The following DAB2IP variants were observed in gnomAD, a reference collection of about 807,000 sequenced individuals.
DAB2IP encodes disabled homolog 2-interacting protein.
DAB2IP carries 28 observed loss-of-function variants against 107.2 expected under a neutral mutation model. The observed-to-expected ratio is 0.26, with a 90% CI of 0.19 to 0.36. DAB2IP has a LOEUF of 0.36. Ranked by LOEUF, DAB2IP falls within the 10% of genes least tolerant of loss-of-function variation. The pLI is 1.00. For missense variants in DAB2IP, 1,400 were observed against 1,644.7 expected (o/e 0.85, Z 2.57); for synonymous variants, 755 against 706.4 (o/e 1.07, Z -1.09).
chr9:121,743,803 T>A (rs1181184802), intron 3 of DAB2IP, among the ~76,000 whole-genome samples: 1 of 152,122 alleles, frequency 6.6e-6, no homozygotes, highest in Non-Finnish European at 1.5e-5. Flanking sequence ...CTGAATGAGC[T>A]GGGCGGCAGC....
chr9:121,770,744 T>A lies in DAB2IP; in HGVS notation c.2078+20T>A, dbSNP rs115939092. 1,212 of 1,612,040 alleles carry A rather than the reference T, an allele frequency of 7.5e-4. 3 individuals carry two copies. Among genetic ancestry groups the A allele is most frequent in the African/African-American group, 6.2e-3 (464 of 74,982 alleles). ...TTCCGGGTAAGAGCTGCCAGCCATGTTGGGTGTGGTGGGTGCGTGTGCAGA... is the reference window on the plus strand; with the variant it reads ...TTCCGGGTAAGAGCTGCCAGCCATGATGGGTGTGGTGGGTGCGTGTGCAGA... On this transcript the variant is annotated intron_variant, in intron 11 of 15. Coordinates refer to ENST00000408936, the Ensembl canonical transcript of DAB2IP.
chr9:121,644,391 G>A lies in DAB2IP; in HGVS notation c.41-34287G>A, dbSNP rs1371208685. ...GCAGGTGGATCACCTGAGGTCAGGCGTTCGAGACCAGCCTGGCCAACATGG... is the reference window on the plus strand; with the variant it reads ...GCAGGTGGATCACCTGAGGTCAGGCATTCGAGACCAGCCTGGCCAACATGG... On this transcript the variant is annotated intron_variant, in intron 1 of 16. Coordinates refer to the DAB2IP transcript ENST00000259371. Among the ~76,000 whole-genome samples, 6 of 152,124 alleles carry A rather than the reference G, an allele frequency of 3.9e-5. 1 individual carries two copies. Among genetic ancestry groups the A allele is most frequent in the South Asian group, 4.1e-4 (2 of 4,828 alleles).
chr9:121,576,981 C>T (rs1270084938), intron 1 of DAB2IP, among the ~76,000 whole-genome samples: 1 of 152,182 alleles, frequency 6.6e-6, no homozygotes, highest in East Asian at 1.9e-4. Flanking sequence ...GTCCTGTCAC[C>T]TCCCCCAGGA....
chr9:121,601,861 T>C (rs917531781), intron 1 of DAB2IP, among the ~76,000 whole-genome samples: 1 of 150,320 alleles, frequency 6.7e-6, no homozygotes, highest in Admixed American at 6.7e-5. Context: ...TGCTTCGCTT[T>C]TGATCCTTGC....
In DAB2IP at chr9:121,760,281, A is replaced by G; in HGVS notation, c.1012A>G (p.Thr338Ala). Reference sequence around the variant, plus strand: ...CATCAAGGCGCGCTACCAAACCATCACCATCCTGCCCATGGAGATGTACAA... The same window carrying G: ...CATCAAGGCGCGCTACCAAACCATCGCCATCCTGCCCATGGAGATGTACAA... Residue 338 changes from threonine (T) to alanine (A), a missense_variant, in exon 6 of 16, where the codon ACC becomes GCC. Transcript: ENST00000408936. This position sits in a 1 kb window ranked among gnomAD's most constrained non-coding sequence, Gnocchi z 5.9. The G allele has an allele frequency of 6.2e-7, 1 of 1,613,784 alleles. No individual in the cohort carries two copies. The highest frequency in any genetic ancestry group is 1.1e-5 in the South Asian group (1 of 91,068).
chr9:121,732,516 G>C (rs1831604298), intron 3 of DAB2IP, among the ~76,000 whole-genome samples: 1 of 152,154 alleles, frequency 6.6e-6, no homozygotes, highest in Non-Finnish European at 1.5e-5. Context: ...TCTGGAGGGA[G>C]AAGGGGATCT....
intron 2 of DAB2IP, among the ~76,000 whole-genome samples, chr9:121,687,898 C>T (rs1268538282): frequency 1.3e-5 from 2 of 152,162 alleles, no homozygotes; most frequent in African/African-American, 4.8e-5. Context: ...ATCTTACGGA[C>T]GAGGATGTTG....
At chr9:121,781,653 T>C in intron 15 of DAB2IP, 102 bp downstream of exon 15, 1 of 1,205,326 alleles carries the variant, frequency 8.3e-7, no homozygotes, top group Non-Finnish European at 1.2e-6. Flanking sequence ...CTGCAGACAC[T>C]GAGGGGAATA....
rs140961682 is a variant in DAB2IP, at chr9:121,707,921, C to T, written c.362+8463C>T. 4.0e-3 allele frequency among the ~76,000 whole-genome samples: 605 copies of T among 152,304 alleles called. 5 individuals are homozygous for T. Among genetic ancestry groups the T allele is most frequent in the African/African-American group, 0.014 (571 of 41,566 alleles). On this transcript the variant is annotated intron_variant, in intron 3 of 15. Transcript: ENST00000408936. ...TCTTTCCCTCTTTCCAACTTCACCA[C>T]ATTTCGTCAGGAAACTAAGTGGCTA...
chr9:121,725,016 C>T (rs535636173), intron 3 of DAB2IP, among the ~76,000 whole-genome samples: 2 of 152,112 alleles, frequency 1.3e-5, no homozygotes, highest in African/African-American at 2.4e-5. Context: ...GAGGAGAGCA[C>T]CCCCGGCACC....
chr9:121,737,170 C>G, intron 3 of DAB2IP: 1 of 923,782 alleles, frequency 1.1e-6, no homozygotes, highest in Non-Finnish European at 1.3e-6. Flanking sequence ...TTTCTTGACC[C>G]AGACCTCTGT....
chr9:121,757,218 G>A, intron 4 of DAB2IP, 52 bp downstream of exon 4: 1 of 1,590,536 alleles, frequency 6.3e-7, no homozygotes, highest in South Asian at 1.1e-5. Context: ...TCCTGGCCTG[G>A]CTGGTCTCCT....
rs78508966 is a variant in DAB2IP at position 121,693,386 on chromosome 9, C to G, written c.229-5939C>G. Reference sequence around the variant, plus strand: ...AGGTCGGCCTGCCAGCTCATGCACCCAGCATCTCTCCCCTCCTGGAGCCGA... The same window carrying G: ...AGGTCGGCCTGCCAGCTCATGCACCGAGCATCTCTCCCCTCCTGGAGCCGA... On this transcript the variant is annotated intron_variant, in intron 2 of 15. Coordinates refer to ENST00000408936, the Ensembl canonical transcript of DAB2IP. Among the ~76,000 whole-genome samples the G allele has an allele frequency of 6.3e-3, 966 of 152,346 alleles. 8 individuals are homozygous for G. The highest frequency in any genetic ancestry group is 0.022 in the African/African-American group (929 of 41,582).
At chr9:121,762,233 T>C (rs943602794) in intron 6 of DAB2IP, among the ~76,000 whole-genome samples, 1 of 152,156 alleles carries the variant, frequency 6.6e-6, no homozygotes, top group African/African-American at 2.4e-5. Flanking sequence ...GGACAAGTCA[T>C]TTTCCTGCTG....
At chr9:121,687,353 TCCA>T (rs1828934282) in intron 2 of DAB2IP, among the ~76,000 whole-genome samples, 1 of 152,264 alleles carries the variant, frequency 6.6e-6, no homozygotes, top group African/African-American at 2.4e-5. Context: ...GGGACAGCTG[TCCA>T]CCAAGAGAAA....
At chr9:121,568,038 C>T (rs976865736) in intron 1 of DAB2IP, among the ~76,000 whole-genome samples, 1 of 152,158 alleles carries the variant, frequency 6.6e-6, no homozygotes. Context: ...TGGGACTCAG[C>T]AGGGAGAAGT....
At chr9:121,605,944 A>G (rs947152037) in intron 1 of DAB2IP, among the ~76,000 whole-genome samples, 1 of 152,350 alleles carries the variant, frequency 6.6e-6, no homozygotes, top group East Asian at 1.9e-4. Context: ...CTGGGGTTGC[A>G]CAGTTATTTG....
At chr9:121,594,278 C>T (rs1188269843) in intron 1 of DAB2IP, among the ~76,000 whole-genome samples, 1 of 150,368 alleles carries the variant, frequency 6.7e-6, no homozygotes, top group Non-Finnish European at 1.5e-5. Flanking sequence ...GCTCTGTCGC[C>T]GAGGCTGGAG....
At chr9:121,580,852 C>T (rs1830180670) in intron 1 of DAB2IP, among the ~76,000 whole-genome samples, 1 of 152,166 alleles carries the variant, frequency 6.6e-6, no homozygotes, top group Non-Finnish European at 1.5e-5. Flanking sequence ...GTCTCAATCT[C>T]CTGACCTCGT....
Sources: gnomAD v4.1 joint callset for allele counts (sites outside exome capture counted in the v4.1 genomes callset) on GRCh38, gnomAD v4.1.1 for gene constraint, Gnocchi (gnomAD v3.1) non-coding constraint, MANE v1.5 for transcripts, NCBI Gene and HGNC (gene_info 2026-07-23, HGNC 2026-07-21) for gene names.